PTPN3: variants seen among roughly 807,000 people sequenced by gnomAD.
PTPN3 encodes the protein tyrosine-protein phosphatase non-receptor type 3.
Under a neutral mutation model 132.7 loss-of-function variants are expected in PTPN3, and 96 were observed. That is an observed-to-expected ratio of 0.72 (90% CI 0.61 to 0.86). The LOEUF (loss-of-function observed/expected upper bound fraction) is 0.86. Among genes scored for constraint, PTPN3 ranks in the 40% least tolerant of loss-of-function variants. PTPN3 has a pLI of 0.00. For missense variants in PTPN3, 1,125 were observed against 1,159.6 expected (o/e 0.97, Z 0.43); for synonymous variants, 398 against 429.0 (o/e 0.93, Z 0.89).
At chr9:109,479,722 A>G (rs1460949822) in intron 1 of PTPN3, among the ~76,000 whole-genome samples, 1 of 152,104 alleles carries the variant, frequency 6.6e-6, no homozygotes, top group Non-Finnish European at 1.5e-5. Flanking sequence ...TGGGACTACA[A>G]GTGTGTGCCA....
chr9:109,415,362 G>A (rs1842412471), intron 14 of PTPN3, among the ~76,000 whole-genome samples: 1 of 152,136 alleles, frequency 6.6e-6, no homozygotes, highest in African/African-American at 2.4e-5. Context: ...GAGTTTGAAA[G>A]ATGAATTAAT....
chr9:109,480,895 A>AATGGATGG (rs199785673), intron 1 of PTPN3, among the ~76,000 whole-genome samples: 51 of 151,812 alleles, frequency 3.4e-4, no homozygotes, highest in East Asian at 2.2e-3. Flanking sequence ...CTGTGGGATG[A>AATGGATGG]ATGGATGGAT....
the PTPN3 span, among the ~76,000 whole-genome samples, chr9:109,521,852 G>T: frequency 6.6e-6 from 1 of 152,140 alleles, no homozygotes. Flanking sequence ...TAATATGAAT[G>T]GGCTAACAAA....
At chr9:109,388,014 T>C (rs1564376634) in intron 22 of PTPN3, among the ~76,000 whole-genome samples, 1 of 152,182 alleles carries the variant, frequency 6.6e-6, no homozygotes, top group Non-Finnish European at 1.5e-5. Context: ...CTTGCAGACC[T>C]GAGAGTAGCA....
chr9:109,508,737 G>T, the PTPN3 span, among the ~76,000 whole-genome samples: 1 of 152,170 alleles, frequency 6.6e-6, no homozygotes, highest in Non-Finnish European at 1.5e-5. Flanking sequence ...AAGAGATATA[G>T]ATAGATGTAG....
intron 1 of PTPN3, among the ~76,000 whole-genome samples, chr9:109,481,213 G>A (rs1846944714): frequency 6.6e-6 from 1 of 152,124 alleles, no homozygotes; most frequent in Admixed American, 6.5e-5. Flanking sequence ...CACAGATAAG[G>A]AAACCCAAGG....
the PTPN3 span, among the ~76,000 whole-genome samples, chr9:109,537,221 A>G: frequency 6.6e-6 from 1 of 152,224 alleles, no homozygotes; most frequent in Non-Finnish European, 1.5e-5. Flanking sequence ...TTAAGGATTT[A>G]CATAGCAACT....
At chr9:109,403,314 C>T (rs1841304261) in intron 19 of PTPN3, among the ~76,000 whole-genome samples, 1 of 152,196 alleles carries the variant, frequency 6.6e-6, no homozygotes, top group Non-Finnish European at 1.5e-5. Flanking sequence ...CAGTCACACA[C>T]ATTTCACAAA....
At chr9:109,529,185 A>G in the PTPN3 span, among the ~76,000 whole-genome samples, 1 of 152,212 alleles carries the variant, frequency 6.6e-6, no homozygotes, top group Non-Finnish European at 1.5e-5. Flanking sequence ...TCTGTCTCTC[A>G]TGACACATGA....
chr9:109,419,840 G>A (rs1842768086), intron 14 of PTPN3, among the ~76,000 whole-genome samples: 1 of 152,142 alleles, frequency 6.6e-6, no homozygotes, highest in African/African-American at 2.4e-5. Flanking sequence ...CTTGAGCTAT[G>A]AGGGAACTCT....
In PTPN3 at chr9:109,498,014, G is replaced by A. The variant is rs1385507747; in HGVS notation, c.-18+205C>T. On this transcript the variant is annotated intron_variant, in intron 1 of 25. Transcript: ENST00000374541. This position sits in a 1 kb window ranked among gnomAD's most constrained non-coding sequence, Gnocchi z 4.2. ...CGCCCCGCCCGCGCCCTCCCGCCCCGGCCCCGCCAGGTGAGCGCAGCGGGG... is the reference window on the plus strand; with the variant it reads ...CGCCCCGCCCGCGCCCTCCCGCCCCAGCCCCGCCAGGTGAGCGCAGCGGGG... 7.6e-6 allele frequency among the ~76,000 whole-genome samples: 1 copy of A among 132,140 alleles called. No homozygotes were observed. Among genetic ancestry groups the A allele is most frequent in the East Asian group, 2.4e-4 (1 of 4,242 alleles). 86.7% of individuals were successfully genotyped at this position (132,140 alleles called of 152,430 possible).
the PTPN3 span, chr9:109,532,818 A>G: frequency 2.4e-6 from 2 of 821,522 alleles, no homozygotes; most frequent in East Asian, 3.7e-5. Context: ...GATAGAGATG[A>G]TAAGTCGGAA....
chr9:109,427,300 T>C (rs1253245115), intron 11 of PTPN3, among the ~76,000 whole-genome samples, 178 bp from the exon 12 acceptor site: 2 of 152,234 alleles, frequency 1.3e-5, no homozygotes, highest in Non-Finnish European at 2.9e-5. Flanking sequence ...TTGTTAACCG[T>C]CTTTATGAAC....
chr9:109,444,226 A>T (rs2131969268), intron 7 of PTPN3, among the ~76,000 whole-genome samples: 2 of 152,292 alleles, frequency 1.3e-5, no homozygotes, highest in East Asian at 3.9e-4. Flanking sequence ...GCTCTACCTG[A>T]GTACTATGCT....
At chr9:109,525,750 A>T in the PTPN3 span, among the ~76,000 whole-genome samples, 2 of 152,158 alleles carry the variant, frequency 1.3e-5, no homozygotes, top group Non-Finnish European at 1.5e-5. Context: ...TCGTTTTTGC[A>T]GAAGGGCACT....
chr9:109,503,512 C>T, the PTPN3 span, among the ~76,000 whole-genome samples: 1 of 152,080 alleles, frequency 6.6e-6, no homozygotes, highest in Non-Finnish European at 1.5e-5. Context: ...TGAGAACAGC[C>T]TGGACAGCAT....
In PTPN3 at chr9:109,379,326, G is replaced by T; in HGVS notation, c.*230C>A. 1.9e-6 allele frequency: 1 copy of T among 529,390 alleles called. No homozygotes were observed. The highest frequency in any genetic ancestry group is 3.4e-6 in the Non-Finnish European group (1 of 297,134). 32.8% of individuals were successfully genotyped at this position (529,390 alleles called of 1,614,324 possible). A position where few individuals can be genotyped will look rare whatever the true frequency, so the allele number is the denominator to read the frequency against. On this transcript the variant is annotated 3_prime_UTR_variant, in exon 26 of 26. Transcript: ENST00000374541. ...CAGGCCCCAAACTGAGATCCTTTTT[G>T]TATCTTTCCATAGAAATACAGGCCT...
At chr9:109,449,237 CACACTG>C in intron 5 of PTPN3, 1 of 1,035,590 alleles carries the variant, frequency 9.7e-7, no homozygotes, top group Non-Finnish European at 1.2e-6. Context: ...GCGGCGCCCA[CACACTG>C]GCAGGGCCAC....
chr9:109,430,021 T>C (rs1843546479), intron 10 of PTPN3, among the ~76,000 whole-genome samples: 2 of 152,166 alleles, frequency 1.3e-5, no homozygotes, highest in South Asian at 4.1e-4. Context: ...CTAATACACA[T>C]CTATTTTCAA....
Sources: gnomAD v4.1 joint callset for allele counts (sites outside exome capture counted in the v4.1 genomes callset) on GRCh38, gnomAD v4.1.1 for gene constraint, Gnocchi (gnomAD v3.1) non-coding constraint, MANE v1.5 for transcripts, NCBI Gene and HGNC (gene_info 2026-07-23, HGNC 2026-07-21) for gene names.